The following ATP2C2 variants were observed in gnomAD, a reference collection of about 807,000 sequenced individuals.
The protein encoded by ATP2C2 is calcium-transporting ATPase type 2C member 2.
In ATP2C2, 171 loss-of-function variants were observed where a neutral mutation model predicts 110.8. That is an observed-to-expected ratio of 1.54 (90% confidence interval 1.36 to 1.75). The LOEUF (loss-of-function observed/expected upper bound fraction) is 1.75, where lower values mean the gene tolerates loss of function less well. Among genes scored for constraint, ATP2C2 ranks in the 40% most tolerant of loss-of-function variants. The pLI is 0.00. For synonymous variants in ATP2C2, 804 were observed against 508.4 expected (o/e 1.58, Z -7.82); for missense variants, 1,963 against 1,235.0 (o/e 1.59, Z -8.84).
chr16:84,387,111 G>T (rs1040749867), intron 1 of ATP2C2, among the ~76,000 whole-genome samples: 1 of 148,744 alleles, frequency 6.7e-6, no homozygotes, highest in Non-Finnish European at 1.5e-5. Flanking sequence ...AGCATGCCGC[G>T]CTCTGAGAAC....
chr16:84,431,207 G>C (rs1329916267), intron 11 of ATP2C2, among the ~76,000 whole-genome samples: 11 of 152,120 alleles, frequency 7.2e-5, no homozygotes, highest in Admixed American at 7.2e-4. Context: ...TTAAAAGGGA[G>C]GTAGAAACCA....
chr16:84,444,596 G>A (rs2150573108), intron 15 of ATP2C2, among the ~76,000 whole-genome samples: 1 of 152,330 alleles, frequency 6.6e-6, no homozygotes, highest in Non-Finnish European at 1.5e-5. Flanking sequence ...TGCTGAGTCT[G>A]CCCCATTCAA....
At chr16:84,453,412 C>T (rs201988679) in intron 20 of ATP2C2, 41 bp downstream of exon 20, 149 of 1,611,630 alleles carry the variant, frequency 9.2e-5, no homozygotes, top group African/African-American at 3.5e-4. Flanking sequence ...CTGCTGGGGC[C>T]GGGCCAGAGA....
chr16:84,453,420 A>T (rs1162417042), intron 20 of ATP2C2, 49 bp downstream of exon 20: 1 of 1,609,572 alleles, frequency 6.2e-7, no homozygotes, highest in Non-Finnish European at 8.5e-7. Context: ...GCCGGGCCAG[A>T]GACACTGTGG....
intron 2 of ATP2C2, among the ~76,000 whole-genome samples, chr16:84,402,804 C>T (rs57058836): frequency 0.044 from 6,672 of 152,076 alleles, 489 homozygotes; most frequent in African/African-American, 0.15. Context: ...ATACTGGCCT[C>T]GTAGAATGAA....
Position 84,463,665 on chromosome 16 carries a change from T to A in ATP2C2, c.2774T>A (p.Leu925His). The change falls in exon 27 of 27, where the codon CTC becomes CAC. Residue 925 changes from leucine (L) to histidine (H), a missense_variant. Transcript: ENST00000262429. ...TCATCCGTCTTCATTTTGTCAGAGCTCCTCAAACTATGTGAAAAATACTGT... is the reference window on the plus strand; with the variant it reads ...TCATCCGTCTTCATTTTGTCAGAGCACCTCAAACTATGTGAAAAATACTGT... ...LASSVFILSE[L>H]LKLCEKYCCS... is the part of the protein sequence containing the mutation. The A allele has an allele frequency of 1.9e-6, 3 of 1,614,152 alleles. No individual in the cohort carries two copies. Among genetic ancestry groups the A allele is most frequent in the Non-Finnish European group, 2.5e-6 (3 of 1,180,026 alleles).
At chr16:84,446,880 T>TA (rs1476049430) in intron 16 of ATP2C2, among the ~76,000 whole-genome samples, 1 of 152,154 alleles carries the variant, frequency 6.6e-6, no homozygotes, top group African/African-American at 2.4e-5. Flanking sequence ...AGCCCTGTGC[T>TA]AAGTTTTTTA....
chr16:84,388,385 A>C (rs1904443105), intron 1 of ATP2C2, among the ~76,000 whole-genome samples: 1 of 152,214 alleles, frequency 6.6e-6, no homozygotes, highest in Admixed American at 6.5e-5. Context: ...AGTCCTCTAC[A>C]GAACTTGCTG....
intron 1 of ATP2C2, among the ~76,000 whole-genome samples, chr16:84,389,248 A>G (rs369614029): frequency 1.6e-4 from 25 of 152,276 alleles, no homozygotes; most frequent in African/African-American, 5.1e-4. Flanking sequence ...CTCAGCCCAG[A>G]AGGCCCCTCA....
intron 2 of ATP2C2, among the ~76,000 whole-genome samples, chr16:84,403,133 C>T (rs1435941681): frequency 6.6e-6 from 1 of 151,924 alleles, no homozygotes; most frequent in Non-Finnish European, 1.5e-5. Context: ...GTGAAGTTTC[C>T]TTTTTCATTT....
rs190512261 is a variant in ATP2C2, at chr16:84,413,476, T to C, written c.516-2007T>C. ...AAGGGCCGCGGGAGCAGTAGAAATG[T>C]CTGGGCTCGCTGGTCGGATGAACAG... On this transcript the variant is annotated intron_variant, in intron 6 of 26. Coordinates refer to ENST00000262429, the MANE Select transcript of ATP2C2 (RefSeq NM_014861.4). Among the ~76,000 whole-genome samples the C allele has an allele frequency of 1.3e-4, 20 of 152,300 alleles. No individual in the cohort carries two copies. The East Asian group carries it at 3.7e-3, about 28-fold the overall frequency.
At chr16:84,452,809 C>G (rs1481924735) in intron 18 of ATP2C2, among the ~76,000 whole-genome samples, 1 of 152,076 alleles carries the variant, frequency 6.6e-6, no homozygotes, top group South Asian at 2.1e-4. Flanking sequence ...CCTCTAGTTA[C>G]TATTATATGG....
At chr16:84,400,511 T>A (rs1266229524) in intron 2 of ATP2C2, among the ~76,000 whole-genome samples, 2 of 152,086 alleles carry the variant, frequency 1.3e-5, no homozygotes, top group African/African-American at 2.4e-5. Context: ...GTATTTTTAG[T>A]AGAGACGGGG....
At chr16:84,446,148 C>CTT (rs34605094) in intron 15 of ATP2C2, among the ~76,000 whole-genome samples, 181 bp from the exon 16 acceptor site, 1 of 143,572 alleles carries the variant, frequency 7.0e-6, no homozygotes, top group Non-Finnish European at 1.5e-5. Flanking sequence ...AGAGAAGAGA[C>CTT]TTTTTTTTTT....
At chr16:84,405,451 ACAGTTGAGCAGG>A (rs1905680538) in intron 3 of ATP2C2, among the ~76,000 whole-genome samples, 1 of 152,024 alleles carries the variant, frequency 6.6e-6, no homozygotes, top group South Asian at 2.1e-4. Context: ...ACTTTCGTAG[ACAGTTGAGCAGG>A]CCCCGGGCCC....
At chr16:84,432,360 T>G (rs900747710) in intron 11 of ATP2C2, among the ~76,000 whole-genome samples, 1 of 152,176 alleles carries the variant, frequency 6.6e-6, no homozygotes, top group Non-Finnish European at 1.5e-5. Flanking sequence ...GGTGGTTTGC[T>G]GCACCTACCA....
intron 20 of ATP2C2, 63 bp downstream of exon 20, chr16:84,453,434 G>T: frequency 6.3e-7 from 1 of 1,598,728 alleles, no homozygotes; most frequent in Non-Finnish European, 8.6e-7. Flanking sequence ...ACTGTGGCTC[G>T]AGGAGCTCAT....
chr16:84,418,233 G>A (rs987896300), intron 7 of ATP2C2, among the ~76,000 whole-genome samples: 4 of 152,304 alleles, frequency 2.6e-5, no homozygotes, highest in African/African-American at 4.8e-5. Context: ...AGGTGAGCCC[G>A]CGATTGTGCC....
chr16:84,433,416 A>T (rs1175538577), intron 11 of ATP2C2, among the ~76,000 whole-genome samples: 8 of 151,512 alleles, frequency 5.3e-5, no homozygotes, highest in Non-Finnish European at 1.2e-4. Flanking sequence ...CAAAAAACCA[A>T]AAAAATCTCC....
Sources: gnomAD v4.1 joint callset for allele counts (sites outside exome capture counted in the v4.1 genomes callset) on GRCh38, gnomAD v4.1.1 for gene constraint, MANE v1.5 for transcripts, NCBI Gene and HGNC (gene_info 2026-07-23, HGNC 2026-07-21) for gene names.